The following NCOA3 variants were observed in gnomAD, a reference collection of about 807,000 sequenced individuals.
The protein encoded by NCOA3 is CBP-interacting protein.
A neutral mutation model predicts 158.8 loss-of-function variants in NCOA3; 51 were observed. That is an observed-to-expected ratio of 0.32 (90% CI 0.26 to 0.41). NCOA3 has a LOEUF of 0.41. Among genes scored for constraint, NCOA3 ranks in the 10% least tolerant of loss-of-function variants. The pLI, the probability that NCOA3 is intolerant of heterozygous loss-of-function variation, is 1.00. For synonymous variants in NCOA3, 537 were observed against 592.4 expected (o/e 0.91, Z 1.36); for missense variants, 1,510 against 1,746.6 (o/e 0.86, Z 2.41).
At chr20:47,504,665 G>A (rs1449335369) in intron 1 of NCOA3, among the ~76,000 whole-genome samples, 1 of 151,670 alleles carries the variant, frequency 6.6e-6, no homozygotes, top group African/African-American at 2.4e-5. Flanking sequence ...TTAGCCGGGC[G>A]TGGTGGCGAG....
chr20:47,569,314 T>A (rs1191991230), intron 1 of NCOA3, among the ~76,000 whole-genome samples: 1 of 151,746 alleles, frequency 6.6e-6, no homozygotes, highest in Non-Finnish European at 1.5e-5. Context: ...GCCTCTGCAC[T>A]CCAGCCTGGG....
At chr20:47,570,935 TATATACACAC>T (rs2085280947) in intron 1 of NCOA3, among the ~76,000 whole-genome samples, 3 of 56,958 alleles carry the variant, frequency 5.3e-5, no homozygotes, top group South Asian at 8.2e-4. Context: ...AGCAGTAATA[TATATACACAC>T]ACACACACAC....
At chr20:47,573,383 G>T (rs1602423026) in intron 1 of NCOA3, among the ~76,000 whole-genome samples, 1 of 120,634 alleles carries the variant, frequency 8.3e-6, no homozygotes, top group East Asian at 2.3e-4. Context: ...CTGGGTGACA[G>T]GGCAAGACTA....
rs14189 is a variant in NCOA3, at chr20:47,655,650, A to T, written c.*2233A>T. On this transcript the variant is annotated 3_prime_UTR_variant, in exon 23 of 23. Coordinates refer to ENST00000371998, the MANE Select transcript of NCOA3 (RefSeq NM_181659.3). The stretch of plus-strand genomic sequence containing the variant: ...ATACTCTCCTGTTTGGAGACAGAGG[A>T]AGAACCAGGTCAGTCTGTCTCTTTT... The T allele has an allele frequency of 0.14, 20,814 of 152,454 alleles. 1,979 individuals are homozygous for T. The highest frequency in any genetic ancestry group is 0.26 in the African/African-American group (10,840 of 41,384). 9.4% of individuals were successfully genotyped at this position (152,454 alleles called of 1,614,324 possible).
At chr20:47,558,640 A>G (rs945370109) in intron 1 of NCOA3, among the ~76,000 whole-genome samples, 12 of 151,950 alleles carry the variant, frequency 7.9e-5, no homozygotes, top group African/African-American at 2.9e-4. Flanking sequence ...AGATTGTCTA[A>G]TGTCAGTCTC....
At chr20:47,630,652 T>TG (rs1831613239) in intron 8 of NCOA3, 1 of 151,978 alleles carries the variant, frequency 6.6e-6, no homozygotes, top group Admixed American at 6.6e-5. Context: ...TTAGTAGAGA[T>TG]GGGGTTTCAC....
Position 47,639,172 on chromosome 20 carries a change from G to C in NCOA3, c.2677G>C (p.Asp893His), listed in dbSNP as rs377545856. Residue 893 changes from aspartate (D) to histidine (H), a missense_variant, in exon 14 of 23, where the codon GAT becomes CAT. Physicochemically the swap from Asp to His is moderately conservative, Grantham distance 81. This residue lies in a region of NCOA3 where 1,017 missense variants were observed against 1,098.3 expected (regional missense o/e 0.93). Transcript: ENST00000371998. ...GTTGGGTGGGAATCCAAGAATGATGGATAGTCAGGAAAATTATGGCTCAAG... is the reference window on the plus strand; with the variant it reads ...GTTGGGTGGGAATCCAAGAATGATGCATAGTCAGGAAAATTATGGCTCAAG... ...PMLGGNPRMM[D>H]SQENYGSSMG... 39 of 1,613,896 alleles carry C rather than the reference G, an allele frequency of 2.4e-5. No individual in the cohort carries two copies. Among genetic ancestry groups the C allele is most frequent in the Non-Finnish European group, 3.2e-5 (38 of 1,179,940 alleles).
intron 17 of NCOA3, among the ~76,000 whole-genome samples, chr20:47,643,374 A>G (rs2086641095): frequency 6.6e-6 from 1 of 152,234 alleles, no homozygotes; most frequent in South Asian, 2.1e-4. Context: ...CACAGTGCAG[A>G]TGGGAAACGC....
At chr20:47,514,897 C>T (rs374759896) in intron 1 of NCOA3, among the ~76,000 whole-genome samples, 3 of 151,282 alleles carry the variant, frequency 2.0e-5, no homozygotes, top group African/African-American at 7.3e-5. Flanking sequence ...GTTGGCCAGG[C>T]TGGTCTTGAA....
rs748124461 is a variant in NCOA3 at position 47,635,403 on chromosome 20, A to G, written c.1194A>G (p.Val398=). 5 of 1,614,110 alleles carry G rather than the reference A, an allele frequency of 3.1e-6. No homozygotes were observed. Among genetic ancestry groups the G allele is most frequent in the Admixed American group, 3.3e-5 (2 of 60,004 alleles). The change falls in exon 11 of 23, where the codon GTA becomes GTG. Residue 398 remains valine (V), a synonymous_variant. Coordinates refer to ENST00000371998, the MANE Select transcript of NCOA3 (RefSeq NM_181659.3). ...RPPMAGCNSS[V]GGMSMSPNQG... The stretch of plus-strand genomic sequence containing the variant: ...CTATGGCTGGATGCAACAGTTCGGT[A>G]GGCGGCATGAGTATGTCGCCAAACC...
chr20:47,579,043 G>T lies in NCOA3; in HGVS notation c.-98-4140G>T, dbSNP rs772115871. ...CTCCCCAATTTTATTCTTTGTTCTG[G>T]CTTTGAGGCATATCTTCTCAGACTA... On this transcript the variant is annotated intron_variant, in intron 1 of 22. Transcript: ENST00000371998. Among the ~76,000 whole-genome samples the T allele has an allele frequency of 2.7e-4, 41 of 152,018 alleles. 1 individual carries two copies. The highest frequency in any genetic ancestry group is 4.4e-4 in the Non-Finnish European group (30 of 68,008).
Position 47,627,947 on chromosome 20 carries a change from G to A in NCOA3, c.747G>A (p.Val249=). Residue 249 remains valine (V), a synonymous_variant, in exon 8 of 23, where the codon GTG becomes GTA. Transcript: ENST00000371998. ...ATTTGCAATCTTGTATGATCTGTGT[G>A]GCACGCCGCATTACTACAGGAGAAA... ...GEDLQSCMIC[V]ARRITTGERT... 1 of 1,613,746 alleles carries A rather than the reference G, an allele frequency of 6.2e-7. No individual in the cohort carries two copies. The highest frequency in any genetic ancestry group is 8.5e-7 in the Non-Finnish European group (1 of 1,179,862).
intron 1 of NCOA3, 75 bp from the exon 2 acceptor site, chr20:47,583,108 G>T: frequency 2.5e-6 from 1 of 397,972 alleles, no homozygotes; most frequent in Non-Finnish European, 4.4e-6. Flanking sequence ...GACTTAATTT[G>T]TGGGTGACTA....
At chr20:47,639,452 T>A (rs745361342) in intron 14 of NCOA3, 125 bp from the exon 15 acceptor site, 1 of 1,345,794 alleles carries the variant, frequency 7.4e-7, no homozygotes, top group East Asian at 2.3e-5. Flanking sequence ...TGGCCAGCCC[T>A]TTTCTTACCA....
rs565000148 is a variant in NCOA3 at position 47,501,915 on chromosome 20, C to A, written c.-203C>A. 2.5e-6 allele frequency: 1 copy of A among 400,530 alleles called. No homozygotes were observed. The highest frequency in any genetic ancestry group is 4.4e-6 in the Non-Finnish European group (1 of 227,386). The allele number at this position is 400,530 out of a possible 1,614,324, so 24.8% of individuals were successfully genotyped here. A position where few individuals can be genotyped will look rare whatever the true frequency, so the allele number is the denominator to read the frequency against. Reference sequence around the variant, plus strand: ...TGCTGCTGTCTCAGCCGCTCCACAGCGACGGCAGCGGCTGCGGCTTAGTCG... The same window carrying A: ...TGCTGCTGTCTCAGCCGCTCCACAGAGACGGCAGCGGCTGCGGCTTAGTCG... On this transcript the variant is annotated 5_prime_UTR_variant, in exon 1 of 23. Coordinates refer to ENST00000371998, the MANE Select transcript of NCOA3 (RefSeq NM_181659.3).
chr20:47,512,926 G>GGT (rs1460678459), intron 1 of NCOA3, among the ~76,000 whole-genome samples: 1 of 152,200 alleles, frequency 6.6e-6, no homozygotes, highest in Non-Finnish European at 1.5e-5. Flanking sequence ...GGAAGGCTGA[G>GGT]GTGGGGGATC....
intron 8 of NCOA3, 45 bp downstream of exon 8, chr20:47,628,068 C>T (rs767714016): frequency 3.5e-6 from 5 of 1,421,104 alleles, no homozygotes; most frequent in Non-Finnish European, 4.9e-6. Flanking sequence ...TGTATACGTA[C>T]ATTTTTATTT....
chr20:47,538,212 A>G (rs1469621851), intron 1 of NCOA3, among the ~76,000 whole-genome samples: 1 of 152,208 alleles, frequency 6.6e-6, no homozygotes. Flanking sequence ...TTTGGGGGAA[A>G]AAAACCCAAG....
chr20:47,617,422 C>T (rs769050943), intron 2 of NCOA3, among the ~76,000 whole-genome samples: 5 of 152,166 alleles, frequency 3.3e-5, no homozygotes, highest in East Asian at 3.9e-4. Flanking sequence ...TGTTTCTTAC[C>T]GGTTAAGAAC....
Sources: gnomAD v4.1 joint callset for allele counts (sites outside exome capture counted in the v4.1 genomes callset) on GRCh38, gnomAD v4.1.1 for gene constraint, gnomAD v4.1.1 regional missense constraint, MANE v1.5 for transcripts, NCBI Gene and HGNC (gene_info 2026-07-23, HGNC 2026-07-21) for gene names.